Variants in FGF14 observed in about 807,000 individuals in gnomAD.
FGF14 encodes the protein fibroblast growth factor 14.
Under a neutral mutation model 25.5 loss-of-function variants are expected in FGF14, and 5 were observed. The ratio of observed to expected loss-of-function variants is 0.20; its 90% CI spans 0.10 to 0.41. FGF14 has a LOEUF of 0.41. Among genes scored for constraint, FGF14 ranks in the 10% least tolerant of loss-of-function variants. The probability of loss-of-function intolerance (pLI) is 1.00; values close to 1 mark genes in which losing one functional copy is unlikely to be tolerated. For missense variants in FGF14, 222 were observed against 320.1 expected (o/e 0.69, Z 2.34); for synonymous variants, 138 against 118.3 (o/e 1.17, Z -1.08).
intron 1 of FGF14, among the ~76,000 whole-genome samples, chr13:102,149,847 C>G (rs766194093): frequency 6.6e-6 from 1 of 152,156 alleles, no homozygotes; most frequent in Non-Finnish European, 1.5e-5. Flanking sequence ...TCCTTTAAAC[C>G]ATCTCTTCTT....
At chr13:102,109,733 C>A (rs2045121601) in intron 1 of FGF14, among the ~76,000 whole-genome samples, 3 of 152,040 alleles carry the variant, frequency 2.0e-5, no homozygotes, top group Admixed American at 6.6e-5. Context: ...GGTTCTCCTG[C>A]CTCAGCCTCC....
intron 1 of FGF14, among the ~76,000 whole-genome samples, chr13:102,287,246 G>A (rs1242041162): frequency 3.3e-5 from 5 of 152,212 alleles, no homozygotes; most frequent in Admixed American, 1.3e-4. Flanking sequence ...TGCTTTGACC[G>A]TTCTGTAAAT....
intron 1 of FGF14, chr13:102,293,942 T>C (rs1038851012): frequency 6.6e-6 from 1 of 152,094 alleles, no homozygotes; most frequent in Non-Finnish European, 1.5e-5. Context: ...AATACACAAA[T>C]TGAGTGCACA....
intron 1 of FGF14, among the ~76,000 whole-genome samples, chr13:102,336,067 T>G (rs573619841): frequency 9.2e-5 from 14 of 152,250 alleles, no homozygotes; most frequent in African/African-American, 3.4e-4. Context: ...GAACCCTACA[T>G]GGCCTCTAAG....
At chr13:102,266,903 A>G (rs1241342507) in intron 1 of FGF14, among the ~76,000 whole-genome samples, 2 of 152,132 alleles carry the variant, frequency 1.3e-5, no homozygotes, top group East Asian at 3.9e-4. Context: ...ACAGAAAACA[A>G]TAGTTACAGA....
intron 3 of FGF14, among the ~76,000 whole-genome samples, chr13:101,867,932 A>ACG (rs1195453640): frequency 6.8e-4 from 86 of 126,456 alleles, no homozygotes; most frequent in South Asian, 1.8e-3. Flanking sequence ...ACACACACAC[A>ACG]CACGCGCACA....
chr13:102,325,289 TC>T (rs2056387598), intron 1 of FGF14, among the ~76,000 whole-genome samples: 1 of 152,038 alleles, frequency 6.6e-6, no homozygotes, highest in South Asian at 2.1e-4. Flanking sequence ...TCCTGTTAGA[TC>T]AAGGTTATGA....
At chr13:101,752,046 A>G (rs1247777301) in intron 3 of FGF14, among the ~76,000 whole-genome samples, 1 of 152,192 alleles carries the variant, frequency 6.6e-6, no homozygotes, top group African/African-American at 2.4e-5. Context: ...TAGAGGTAAC[A>G]TAATATTCAT....
At chr13:102,362,726 C>T (rs1004273984) in intron 1 of FGF14, among the ~76,000 whole-genome samples, 4 of 152,118 alleles carry the variant, frequency 2.6e-5, no homozygotes, top group Non-Finnish European at 5.9e-5. Flanking sequence ...ACGGTCCCCA[C>T]ACCACTATTT....
chr13:101,948,464 T>TAA (rs34342496), intron 1 of FGF14, among the ~76,000 whole-genome samples: 1,537 of 145,556 alleles, frequency 0.011, 21 homozygotes, highest in South Asian at 0.018. Flanking sequence ...TAAAGTATAA[T>TAA]AAAAAAATAT....
intron 1 of FGF14, among the ~76,000 whole-genome samples, chr13:102,384,714 A>G (rs1225437639): frequency 6.6e-6 from 1 of 152,202 alleles, no homozygotes; most frequent in African/African-American, 2.4e-5. Flanking sequence ...GATACATGCC[A>G]CAGTCTACAT....
At chr13:101,922,987 T>A (rs949159018) in intron 1 of FGF14, among the ~76,000 whole-genome samples, 11 of 152,130 alleles carry the variant, frequency 7.2e-5, no homozygotes, top group African/African-American at 2.7e-4. Context: ...CTATTTCGCC[T>A]TTCCTAAATT....
At chr13:101,753,182 A>G (rs1036281119) in intron 3 of FGF14, among the ~76,000 whole-genome samples, 19 of 152,120 alleles carry the variant, frequency 1.2e-4, no homozygotes, top group African/African-American at 4.6e-4. Context: ...TATAAGTGAT[A>G]TATATTTAAT....
In FGF14 at chr13:101,916,844, C is replaced by A. The variant is rs1359516316; in HGVS notation, c.-199G>T. Among the ~76,000 whole-genome samples, 9 of 152,142 alleles carry A rather than the reference C, an allele frequency of 5.9e-5. No homozygotes were observed. The highest frequency in any genetic ancestry group is 1.0e-4 in the Non-Finnish European group (7 of 68,008). ...CCTCTCCGCGGGGCGCGGGGCCAGG[C>A]GCGCAGATGCGCCCAGGGCGCAGCC... is the stretch of plus-strand genomic sequence containing the variant. On this transcript the variant is annotated 5_prime_UTR_variant, in exon 1 of 5. Coordinates refer to ENST00000376143, the MANE Select transcript of FGF14 (RefSeq NM_004115.4).
At chr13:102,161,667 GAA>G (rs1491193817) in intron 1 of FGF14, among the ~76,000 whole-genome samples, 7 of 48,960 alleles carry the variant, frequency 1.4e-4, no homozygotes, top group Non-Finnish European at 2.2e-4. Context: ...AGAAGAAGAA[GAA>G]GAAGAAGAAG....
At position 101,821,077 on chromosome 13, in the gene FGF14, T is replaced by A. The variant is rs1257277594; in HGVS notation, c.408+47648A>T. ...CATTCTCCTGCCTCAGCCTCCCAAG[T>A]AGCTGGGAGTACAGGCGCCCGCTAC... On this transcript the variant is annotated intron_variant, in intron 3 of 4. Coordinates refer to ENST00000376143, the MANE Select transcript of FGF14 (RefSeq NM_004115.4). 1.8e-4 allele frequency among the ~76,000 whole-genome samples: 26 copies of A among 148,042 alleles called. No individual in the cohort carries two copies. The East Asian group carries it at 3.9e-3, about 22-fold the overall frequency.
chr13:102,119,614 G>T (rs186658358), intron 1 of FGF14, among the ~76,000 whole-genome samples: 1 of 152,118 alleles, frequency 6.6e-6, no homozygotes, highest in Non-Finnish European at 1.5e-5. Flanking sequence ...GGTTTAGATG[G>T]AAATAAATAA....
chr13:101,959,751 C>T (rs78989579), intron 1 of FGF14, among the ~76,000 whole-genome samples: 2,570 of 152,270 alleles, frequency 0.017, 76 homozygotes, highest in African/African-American at 0.059. Flanking sequence ...TTTGATCTTG[C>T]ACTATAGTGA....
intron 1 of FGF14, among the ~76,000 whole-genome samples, chr13:101,968,691 C>A (rs901847078): frequency 5.9e-4 from 71 of 121,052 alleles, no homozygotes; most frequent in African/African-American, 2.1e-3. Flanking sequence ...AAAAAAAAAA[C>A]CTCAATATCA....
Sources: allele counts gnomAD v4.1 joint callset (sites outside exome capture counted in the v4.1 genomes callset), GRCh38; gene constraint gnomAD v4.1.1; transcripts MANE v1.5; gene names NCBI Gene and HGNC (gene_info 2026-07-23, HGNC 2026-07-21).